The following TOM1 variants were observed in gnomAD, a reference collection of about 807,000 sequenced individuals.
TOM1 encodes the protein target of myb1 membrane trafficking protein.
In TOM1, 38 loss-of-function variants were observed where a neutral mutation model predicts 61.3. The ratio of observed to expected loss-of-function variants is 0.62; its 90% CI spans 0.48 to 0.81. The LOEUF (loss-of-function observed/expected upper bound fraction) is 0.81. TOM1 is among the 40% of genes least tolerant of loss of function. The probability of loss-of-function intolerance (pLI) is 0.00; values close to 1 mark genes in which losing one functional copy is unlikely to be tolerated. For missense variants in TOM1, 591 were observed against 659.6 expected (o/e 0.90, Z 1.14); for synonymous variants, 270 against 268.8 (o/e 1.00, Z -0.04).
intron 8 of TOM1, among the ~76,000 whole-genome samples, chr22:35,331,674 A>C (rs1337467196): frequency 6.6e-6 from 1 of 152,208 alleles, no homozygotes; most frequent in Non-Finnish European, 1.5e-5. Context: ...ACTTGAGGCC[A>C]GGAGTTTGCA....
intron 11 of TOM1, among the ~76,000 whole-genome samples, chr22:35,336,235 C>G (rs1929324629): frequency 2.0e-5 from 3 of 152,174 alleles, no homozygotes; most frequent in Admixed American, 2.0e-4. Flanking sequence ...CAAGGTCAGG[C>G]GTGGACCTGA....
chr22:35,313,826 A>T (rs543835173), intron 1 of TOM1, among the ~76,000 whole-genome samples: 1 of 152,360 alleles, frequency 6.6e-6, no homozygotes, highest in African/African-American at 2.4e-5. Flanking sequence ...AAACAACTGC[A>T]AAGCCGCCTG....
intron 12 of TOM1, among the ~76,000 whole-genome samples, chr22:35,343,732 C>CCCCCA (rs1930219243): frequency 7.2e-6 from 1 of 139,750 alleles, no homozygotes; most frequent in Admixed American, 6.9e-5. Flanking sequence ...ACATCTACAC[C>CCCCCA]CACCACACCT....
chr22:35,347,445 C>A lies in TOM1; in HGVS notation c.*236C>A. The A allele has an allele frequency of 2.2e-6, 1 of 445,056 alleles. No individual in the cohort carries two copies. The highest frequency in any genetic ancestry group is 4.0e-6 in the Non-Finnish European group (1 of 251,478). The allele number at this position is 445,056 out of a possible 1,614,324, so 27.6% of individuals were successfully genotyped here. A position where few individuals can be genotyped will look rare whatever the true frequency, so the allele number is the denominator to read the frequency against. On this transcript the variant is annotated 3_prime_UTR_variant, in exon 15 of 15. Coordinates refer to ENST00000449058, the MANE Select transcript of TOM1 (RefSeq NM_005488.3). ...TGGCTGCTCTGCCTCCTTTCCCACC[C>A]CAGCTGACCATGAGACTTTGCTGAG...
At chr22:35,300,664 C>T (rs1400448652) in intron 1 of TOM1, among the ~76,000 whole-genome samples, 2 of 152,154 alleles carry the variant, frequency 1.3e-5, no homozygotes, top group Admixed American at 6.5e-5. Context: ...GCCGGGAACT[C>T]GGGCCAAGCC....
intron 10 of TOM1, 25 bp from the exon 11 acceptor site, chr22:35,334,303 T>C (rs549134607): frequency 5.6e-5 from 90 of 1,602,182 alleles, no homozygotes; most frequent in Non-Finnish European, 4.3e-5. Flanking sequence ...GATGGGTCTT[T>C]CACGTGGCCT....
intron 1 of TOM1, among the ~76,000 whole-genome samples, chr22:35,312,911 A>G (rs776023641): frequency 2.6e-5 from 4 of 152,166 alleles, no homozygotes; most frequent in Non-Finnish European, 5.9e-5. Context: ...GTTTGAGTAG[A>G]GCGTGGAGGT....
intron 6 of TOM1, among the ~76,000 whole-genome samples, chr22:35,324,501 A>G (rs539348468): frequency 1.4e-4 from 21 of 152,150 alleles, no homozygotes; most frequent in Admixed American, 1.0e-3. Context: ...AATAAAAAAC[A>G]TATGTACATT....
intron 12 of TOM1, chr22:35,344,167 C>T (rs972361014): frequency 1.3e-5 from 2 of 152,280 alleles, no homozygotes; most frequent in African/African-American, 4.8e-5. Context: ...GCGCTGCCGT[C>T]CCTCCGCCAT....
chr22:35,331,999 A>G (rs1928881560), intron 8 of TOM1, among the ~76,000 whole-genome samples: 1 of 152,206 alleles, frequency 6.6e-6, no homozygotes, highest in African/African-American at 2.4e-5. Flanking sequence ...GTGAGAGTCC[A>G]TGAAACAGTG....
chr22:35,321,949 TC>T lies in TOM1; in HGVS notation c.138-8del. On this transcript the variant is annotated splice_polypyrimidine_tract_variant and intron_variant, in intron 2 of 14. Transcript: ENST00000449058. Reference sequence around the variant, plus strand: ...ATTCCTAAGCCCACCCTTTTTCTTGTCCTCCTTAGTCCCAAAGATGCCCTCC... The same window carrying T: ...ATTCCTAAGCCCACCCTTTTTCTTGTCTCCTTAGTCCCAAAGATGCCCTCC... The T allele has an allele frequency of 1.9e-6, 3 of 1,613,760 alleles. No homozygotes were observed. The highest frequency in any genetic ancestry group is 2.5e-6 in the Non-Finnish European group (3 of 1,179,664).
intron 1 of TOM1, among the ~76,000 whole-genome samples, chr22:35,312,551 T>G (rs1446864291): frequency 1.3e-5 from 2 of 152,248 alleles, no homozygotes; most frequent in Admixed American, 1.3e-4. Context: ...GCTGTGCATC[T>G]CACAAACTGT....
chr22:35,343,694 C>A (rs1329689444), intron 12 of TOM1, among the ~76,000 whole-genome samples: 1 of 145,428 alleles, frequency 6.9e-6, no homozygotes. Flanking sequence ...CACCTACACA[C>A]TCATACACCT....
intron 1 of TOM1, among the ~76,000 whole-genome samples, chr22:35,315,562 C>G (rs1927208857): frequency 1.3e-5 from 2 of 152,220 alleles, no homozygotes; most frequent in Admixed American, 6.5e-5. Context: ...CTCTGTCTCT[C>G]AGCCCTGTCA....
At chr22:35,334,910 AC>A (rs1360303741) in intron 11 of TOM1, among the ~76,000 whole-genome samples, 1 of 145,672 alleles carries the variant, frequency 6.9e-6, no homozygotes, top group Non-Finnish European at 1.5e-5. Context: ...ATCCTCAGGG[AC>A]TTTCAAGTCA....
At position 35,341,252 on chromosome 22, in the gene TOM1, A is replaced by G. The variant is rs563445227; in HGVS notation, c.1224+2464A>G. On this transcript the variant is annotated intron_variant, in intron 12 of 14. Coordinates refer to ENST00000449058, the MANE Select transcript of TOM1 (RefSeq NM_005488.3). ...AGAGCTTAAGTGAAACCACAGGTGT[A>G]CTGTCCTCGGTATGGTGCCTGGCAC... is the stretch of plus-strand genomic sequence containing the variant. Among the ~76,000 whole-genome samples, 497 of 152,338 alleles carry G rather than the reference A, an allele frequency of 3.3e-3. 3 individuals carry two copies. The highest frequency in any genetic ancestry group is 0.011 in the African/African-American group (458 of 41,580).
chr22:35,343,024 CCA>C (rs1278864402), intron 12 of TOM1, among the ~76,000 whole-genome samples: 7 of 146,458 alleles, frequency 4.8e-5, no homozygotes, highest in Admixed American at 2.7e-4. Flanking sequence ...TCTACACCCA[CCA>C]CACACACCTC....
At chr22:35,334,290 G>C in intron 10 of TOM1, 38 bp from the exon 11 acceptor site, 1 of 1,594,276 alleles carries the variant, frequency 6.3e-7, no homozygotes, top group South Asian at 1.1e-5. Flanking sequence ...ACACAAGCTT[G>C]TGGATGGGTC....
In TOM1 at chr22:35,323,967, G is replaced by A. The variant is rs536233072; in HGVS notation, c.648+53G>A. 5.5e-5 allele frequency: 83 copies of A among 1,504,638 alleles called. 1 individual carries two copies. The highest frequency in any genetic ancestry group is 9.8e-5 in the African/African-American group (7 of 71,440). 93.2% of individuals were successfully genotyped at this position (1,504,638 alleles called of 1,614,324 possible). ...AGGTCCAGGCAGGTGGGCCACACAC[G>A]TCAGGGAGGGCCCCCTGTCAGAATT... is the stretch of plus-strand genomic sequence containing the variant. On this transcript the variant is annotated intron_variant, in intron 6 of 14. Coordinates refer to ENST00000449058, the MANE Select transcript of TOM1 (RefSeq NM_005488.3). This position sits in a 1 kb window ranked among gnomAD's most constrained non-coding sequence, Gnocchi z 4.2.
Sources: allele counts gnomAD v4.1 joint callset (sites outside exome capture counted in the v4.1 genomes callset), GRCh38; gene constraint gnomAD v4.1.1; non-coding constraint Gnocchi (gnomAD v3.1); transcripts MANE v1.5; gene names NCBI Gene and HGNC (gene_info 2026-07-23, HGNC 2026-07-21).